Variants in IL1RAPL2 observed in about 807,000 individuals in gnomAD.
IL1RAPL2 encodes interleukin 1 receptor accessory protein like 2, also known as X-linked interleukin-1 receptor accessory protein-like 2.
Under a neutral mutation model 44.1 loss-of-function variants are expected in IL1RAPL2, and 3 were observed. That is an observed-to-expected ratio of 0.07 (90% CI 0.03 to 0.18). The LOEUF is 0.18. Ranked by LOEUF, IL1RAPL2 falls within the 10% of genes least tolerant of loss-of-function variation. IL1RAPL2 has a pLI of 1.00. For synonymous variants in IL1RAPL2, 181 were observed against 178.8 expected (o/e 1.01, Z -0.10); for missense variants, 391 against 496.4 (o/e 0.79, Z 2.02).
chrX:105,374,945 CAAAAAAA>C (rs149097097), intron 5 of IL1RAPL2, among the ~76,000 whole-genome samples: 3 of 29,116 alleles, frequency 1.0e-4, no homozygotes, highest in East Asian at 1.4e-3. Context: ...GACTCCATCT[CAAAAAAA>C]AAAAAAAAAA....
intron 6 of IL1RAPL2, among the ~76,000 whole-genome samples, chrX:105,696,226 C>G (rs912448996): frequency 8.9e-6 from 1 of 111,943 alleles, no homozygotes; most frequent in Non-Finnish European, 1.9e-5. Flanking sequence ...AAAACAGTAT[C>G]AAATTGGTCA....
chrX:105,325,574 T>TATATATATATAC (rs1478246616), intron 5 of IL1RAPL2, among the ~76,000 whole-genome samples: 1 of 90,627 alleles, frequency 1.1e-5, no homozygotes, highest in African/African-American at 4.1e-5. Context: ...TATATATATA[T>TATATATATATAC]ATACACATAT....
Position 105,157,284 on chromosome X carries a change from A to G in IL1RAPL2, c.83-38191A>G, listed in dbSNP as rs754397585. Among the ~76,000 whole-genome samples the G allele has an allele frequency of 5.2e-4, 57 of 109,463 alleles. 1 individual carries two copies. The highest frequency in any genetic ancestry group is 1.9e-3 in the African/African-American group (56 of 30,040). ...TTGTCTCAGGATCTGGCTAACTACA[A>G]AGCTCTCTCTCTCTCTCTCCTTTTC... On this transcript the variant is annotated intron_variant, in intron 2 of 10. Coordinates refer to ENST00000372582, the MANE Select transcript of IL1RAPL2 (RefSeq NM_017416.2).
chrX:105,029,373 G>A (rs1442653219), intron 2 of IL1RAPL2, among the ~76,000 whole-genome samples: 1 of 102,146 alleles, frequency 9.8e-6, no homozygotes, highest in Non-Finnish European at 2.0e-5. Flanking sequence ...TTAGCATTAG[G>A]TATATCTCCA....
intron 5 of IL1RAPL2, among the ~76,000 whole-genome samples, chrX:105,389,440 G>A (rs1602389969): frequency 8.9e-6 from 1 of 112,087 alleles, no homozygotes; most frequent in South Asian, 3.7e-4. Flanking sequence ...GGTTGTGATG[G>A]TTTTAACTTG....
chrX:105,583,139 G>T (rs867253121), intron 6 of IL1RAPL2, among the ~76,000 whole-genome samples: 19 of 97,901 alleles, frequency 1.9e-4, no homozygotes, highest in South Asian at 1.9e-3. Context: ...AATTTTTTTT[G>T]TTTTTTTTTT....
chrX:105,138,278 A>G (rs2033094753), intron 2 of IL1RAPL2, among the ~76,000 whole-genome samples: 4 of 110,930 alleles, frequency 3.6e-5, no homozygotes. Flanking sequence ...TGAAAATATT[A>G]TATTTGCTTG....
At chrX:105,164,787 G>A (rs1212110973) in intron 2 of IL1RAPL2, among the ~76,000 whole-genome samples, 1 of 111,843 alleles carries the variant, frequency 8.9e-6, no homozygotes, top group Non-Finnish European at 1.9e-5. Context: ...TACACTCTCT[G>A]CCTTTATTTC....
chrX:105,032,286 T>C (rs1229837777), intron 2 of IL1RAPL2, among the ~76,000 whole-genome samples: 3 of 108,066 alleles, frequency 2.8e-5, no homozygotes, highest in African/African-American at 1.0e-4. Context: ...ATGTGTTTGC[T>C]CTTGCTTTTC....
chrX:104,849,836 A>G (rs923283471), intron 2 of IL1RAPL2, among the ~76,000 whole-genome samples: 18 of 111,404 alleles, frequency 1.6e-4, no homozygotes, highest in African/African-American at 4.9e-4. Flanking sequence ...TAATTACTAT[A>G]TTTTAACAAT....
rs1569452109 is a variant in IL1RAPL2, at chrX:105,540,848, C to CATATATTATATATGATATATAATATATGT, written c.772+56485_772+56486insTATGTATATATTATATATGATATATAATA. 1.1e-3 allele frequency among the ~76,000 whole-genome samples: 19 copies of CATATATTATATATGATATATAATATATGT among 17,334 alleles called. 1 individual carries two copies. Among genetic ancestry groups the CATATATTATATATGATATATAATATATGT allele is most frequent in the African/African-American group, 3.5e-3 (19 of 5,365 alleles). The allele number at this position is 17,334 out of a possible 115,157, so 15.1% of individuals were successfully genotyped here. The stretch of plus-strand genomic sequence containing the variant: ...TATTATATATGATATATAATACATA[C>CATATATTATATATGATATATAATATATGT]ATATATTATATATGATATATAATAC... On this transcript the variant is annotated intron_variant, in intron 6 of 10. Transcript: ENST00000372582.
intron 5 of IL1RAPL2, among the ~76,000 whole-genome samples, chrX:105,315,604 T>TATATATATA (rs2034833949): frequency 9.1e-5 from 2 of 21,976 alleles, no homozygotes; most frequent in Non-Finnish European, 1.1e-4. Flanking sequence ...ATATATATGG[T>TATATATATA]TTTATTAAGT....
chrX:105,104,000 G>C (rs1203941727), intron 2 of IL1RAPL2, among the ~76,000 whole-genome samples: 1 of 112,024 alleles, frequency 8.9e-6, no homozygotes, highest in African/African-American at 3.2e-5. Flanking sequence ...TTAATCACTG[G>C]AAGTTAACTA....
chrX:105,007,288 T>C (rs1348987495), intron 2 of IL1RAPL2, among the ~76,000 whole-genome samples: 1 of 111,587 alleles, frequency 9.0e-6, no homozygotes, highest in African/African-American at 3.3e-5. Context: ...AGCTTTGGAA[T>C]GCTCATATAT....
chrX:105,072,424 C>A (rs982761663), intron 2 of IL1RAPL2, among the ~76,000 whole-genome samples: 1 of 110,994 alleles, frequency 9.0e-6, no homozygotes, highest in Non-Finnish European at 1.9e-5. Flanking sequence ...GTGGAAGCGA[C>A]TTTGGAACTG....
intron 2 of IL1RAPL2, among the ~76,000 whole-genome samples, chrX:104,721,827 T>C (rs1225292054): frequency 8.9e-6 from 1 of 111,922 alleles, no homozygotes; most frequent in Non-Finnish European, 1.9e-5. Context: ...ATAATAATGC[T>C]GCAATTGTCA....
At chrX:104,919,978 A>T (rs1801628281) in intron 2 of IL1RAPL2, among the ~76,000 whole-genome samples, 1 of 111,023 alleles carries the variant, frequency 9.0e-6, no homozygotes, top group Non-Finnish European at 1.9e-5. Context: ...CTCTATTGCC[A>T]CTGAGGCATA....
intron 4 of IL1RAPL2, among the ~76,000 whole-genome samples, chrX:105,266,976 T>A (rs1471130803): frequency 8.9e-6 from 1 of 111,887 alleles, no homozygotes; most frequent in African/African-American, 3.2e-5. Context: ...TGGAGTATAC[T>A]AAGTGGCTAA....
At chrX:104,626,809 G>A (rs1383253650) in intron 1 of IL1RAPL2, among the ~76,000 whole-genome samples, 2 of 103,149 alleles carry the variant, frequency 1.9e-5, no homozygotes, top group Non-Finnish European at 4.0e-5. Context: ...TCCAATTGTA[G>A]TGTTTTGTAG....
Sources: gnomAD v4.1 joint callset for allele counts (sites outside exome capture counted in the v4.1 genomes callset) on GRCh38, gnomAD v4.1.1 for gene constraint, MANE v1.5 for transcripts, NCBI Gene and HGNC (gene_info 2026-07-23, HGNC 2026-07-21) for gene names.